The following USP42 variants were observed in gnomAD, a reference collection of about 807,000 sequenced individuals.
USP42 encodes the protein ubiquitin carboxyl-terminal hydrolase 42.
Under a neutral mutation model 113.0 loss-of-function variants are expected in USP42, and 23 were observed. The ratio of observed to expected loss-of-function variants is 0.20; its 90% CI spans 0.15 to 0.29. USP42 has a LOEUF of 0.29. Ranked by LOEUF, USP42 falls within the 10% of genes least tolerant of loss-of-function variation. The pLI is 1.00. For missense variants in USP42, 2,174 were observed against 1,779.8 expected (o/e 1.22, Z -3.99); for synonymous variants, 933 against 699.0 (o/e 1.33, Z -5.28).
rs112032105 is a variant in USP42, at chr7:6,154,812, C to T, written c.3258C>T (p.Ala1086=). Residue 1086 remains alanine (A), a synonymous_variant, in exon 15 of 18, where the codon GCC becomes GCT. Coordinates refer to ENST00000306177, the MANE Select transcript of USP42 (RefSeq NM_032172.3). The part of the protein sequence containing the change: ...PFHGGREHER[A]GLHERPHKDH... ...ACGGCGGCCGCGAGCACGAGCGGGC[C>T]GGGCTGCACGAGCGGCCGCACAAGG... 11,979 of 1,543,890 alleles carry T rather than the reference C, an allele frequency of 7.8e-3. 812 individuals are homozygous for T. The African/African-American group carries it at 0.15, about 19-fold the overall frequency.
At chr7:6,118,637 GGTCCA>G (rs1780043569) in intron 3 of USP42, among the ~76,000 whole-genome samples, 9 of 151,980 alleles carry the variant, frequency 5.9e-5, no homozygotes, top group Admixed American at 5.9e-4. Context: ...TTGGGTCAGT[GGTCCA>G]TTTTGAGTTA....
At chr7:6,124,768 T>G (rs1780432869) in intron 3 of USP42, among the ~76,000 whole-genome samples, 1 of 152,198 alleles carries the variant, frequency 6.6e-6, no homozygotes, top group South Asian at 2.1e-4. Flanking sequence ...TTTCCTGCCT[T>G]CTTTTGGATT....
At chr7:6,148,196 G>T (rs761733042) in intron 12 of USP42, among the ~76,000 whole-genome samples, 17 of 152,226 alleles carry the variant, frequency 1.1e-4, no homozygotes, top group Non-Finnish European at 2.1e-4. Context: ...GTATCAGCCG[G>T]GTATGGTGGT....
chr7:6,108,152 A>G (rs906210050), intron 1 of USP42, among the ~76,000 whole-genome samples: 10 of 152,192 alleles, frequency 6.6e-5, no homozygotes, highest in Non-Finnish European at 1.0e-4. Context: ...GCGCCATTGC[A>G]TTCCAGCCTG....
intron 10 of USP42, 105 bp downstream of exon 10, chr7:6,145,761 A>G: frequency 7.9e-7 from 1 of 1,273,002 alleles, no homozygotes. Context: ...TTAAAATGTG[A>G]ATACCCGAGG....
the USP42 span, among the ~76,000 whole-genome samples, chr7:6,083,284 C>T: frequency 4.7e-5 from 7 of 147,708 alleles, no homozygotes; most frequent in African/African-American, 1.8e-4. Context: ...TAGATACAGT[C>T]TAGCGCTGTG....
At chr7:6,108,420 A>G (rs1467070525) in intron 1 of USP42, among the ~76,000 whole-genome samples, 1 of 152,116 alleles carries the variant, frequency 6.6e-6, no homozygotes, top group Non-Finnish European at 1.5e-5. Flanking sequence ...CCAGTTTGGA[A>G]AGTACATGGG....
At chr7:6,085,738 CTGAG>C in the USP42 span, among the ~76,000 whole-genome samples, 3 of 150,428 alleles carry the variant, frequency 2.0e-5, no homozygotes, top group Non-Finnish European at 4.4e-5. Flanking sequence ...CCTCAGCTTC[CTGAG>C]TATCTGGCAC....
the USP42 span, among the ~76,000 whole-genome samples, chr7:6,088,319 A>C: frequency 6.6e-6 from 1 of 150,840 alleles, no homozygotes; most frequent in African/African-American, 2.5e-5. Flanking sequence ...GCAGTGGTGC[A>C]ATCTCGGCTC....
At chr7:6,146,860 C>A (rs1234342574) in intron 11 of USP42, among the ~76,000 whole-genome samples, 1 of 152,130 alleles carries the variant, frequency 6.6e-6, no homozygotes, top group African/African-American at 2.4e-5. Context: ...AGCCACAGGA[C>A]AATGAGTGGA....
chr7:6,136,152 G>A (rs1052925061), intron 4 of USP42, among the ~76,000 whole-genome samples: 3 of 151,898 alleles, frequency 2.0e-5, no homozygotes, highest in African/African-American at 4.8e-5. Context: ...TCACAGGCGT[G>A]TACCACTATG....
At chr7:6,147,499 T>C (rs1005891268) in intron 11 of USP42, among the ~76,000 whole-genome samples, 6 of 152,198 alleles carry the variant, frequency 3.9e-5, no homozygotes, top group African/African-American at 1.4e-4. Flanking sequence ...TGAAACAGCA[T>C]CTTCAGAAAA....
chr7:6,090,168 C>T, the USP42 span, among the ~76,000 whole-genome samples: 2 of 148,218 alleles, frequency 1.3e-5, no homozygotes, highest in African/African-American at 5.1e-5. Context: ...GGCATGGTGG[C>T]GCATGCCTGT....
chr7:6,092,048 TTCTTCTTTCTTCTTCTTC>T, the USP42 span, among the ~76,000 whole-genome samples: 1 of 78,196 alleles, frequency 1.3e-5, no homozygotes, highest in Non-Finnish European at 2.8e-5. Context: ...CTTCTTCTTC[TTCTTCTTTCTTCTTCTTC>T]TTCTTCTTCC....
chr7:6,105,592 C>T (rs112495046), intron 1 of USP42, among the ~76,000 whole-genome samples: 2,518 of 152,246 alleles, frequency 0.017, 47 homozygotes, highest in Non-Finnish European at 0.022. Context: ...GCGCCCCCTC[C>T]CCAGGCCTAG....
At chr7:6,133,363 A>G (rs1476825380) in intron 3 of USP42, among the ~76,000 whole-genome samples, 1 of 152,144 alleles carries the variant, frequency 6.6e-6, no homozygotes, top group East Asian at 1.9e-4. Context: ...GCTTACTGGT[A>G]TGCTGTGTTG....
rs370556585 is a variant in USP42, at chr7:6,134,339, G to A, written c.443-1502G>A. On this transcript the variant is annotated intron_variant, in intron 3 of 17. Coordinates refer to ENST00000306177, the MANE Select transcript of USP42 (RefSeq NM_032172.3). Reference sequence around the variant, plus strand: ...TTCTGTTTATTTTCTCCTTGTTACCGGTCATTTCTGCATCTTTGCGTGCCT... The same window carrying A: ...TTCTGTTTATTTTCTCCTTGTTACCAGTCATTTCTGCATCTTTGCGTGCCT... Among the ~76,000 whole-genome samples, 5 of 151,952 alleles carry A rather than the reference G, an allele frequency of 3.3e-5. 1 individual carries two copies. Among genetic ancestry groups the A allele is most frequent in the South Asian group, 4.2e-4 (2 of 4,796 alleles).
intron 1 of USP42, among the ~76,000 whole-genome samples, chr7:6,107,886 T>C (rs923795680): frequency 3.9e-5 from 6 of 152,224 alleles, no homozygotes; most frequent in African/African-American, 1.4e-4. Flanking sequence ...GTTTTCTTAG[T>C]TCATTGAAAT....
the USP42 span, among the ~76,000 whole-genome samples, chr7:6,091,634 A>T: frequency 6.7e-6 from 1 of 149,240 alleles, no homozygotes; most frequent in Admixed American, 6.7e-5. Context: ...TTGTTTTTTT[A>T]TATTAGCCAA....
Sources: gnomAD v4.1 joint callset for allele counts (sites outside exome capture counted in the v4.1 genomes callset) on GRCh38, gnomAD v4.1.1 for gene constraint, MANE v1.5 for transcripts, NCBI Gene and HGNC (gene_info 2026-07-23, HGNC 2026-07-21) for gene names.